Variants in RUSC2 observed in about 807,000 individuals in gnomAD.
RUSC2 encodes AP-4 complex accessory subunit RUSC2.
Under a neutral mutation model 122.2 loss-of-function variants are expected in RUSC2, and 34 were observed. The ratio of observed to expected loss-of-function variants is 0.28; its 90% confidence interval spans 0.21 to 0.37. The LOEUF (loss-of-function observed/expected upper bound fraction) is 0.37, where lower values mean the gene tolerates loss of function less well. Among genes scored for constraint, RUSC2 ranks in the 10% least tolerant of loss-of-function variants. RUSC2 has a pLI of 1.00. For synonymous variants in RUSC2, 784 were observed against 790.0 expected (o/e 0.99, Z 0.13); for missense variants, 1,747 against 1,952.4 (o/e 0.89, Z 1.98).
chr9:35,561,843 T>C lies in RUSC2; in HGVS notation c.*461T>C. ...AGGAGCCCAGGCGTCTGTTTATGTA[T>C]TTATTTATTTATTTATTATACCTAT... On this transcript the variant is annotated 3_prime_UTR_variant, in exon 12 of 12. Coordinates refer to ENST00000361226, the MANE Select transcript of RUSC2 (RefSeq NM_014806.5). The C allele has an allele frequency of 1.7e-6, 1 of 602,488 alleles. No homozygotes were observed. Among genetic ancestry groups the C allele is most frequent in the Non-Finnish European group, 2.9e-6 (1 of 341,062 alleles). The allele number at this position is 602,488 out of a possible 1,614,324, so 37.3% of individuals were successfully genotyped here.
In RUSC2 at chr9:35,557,640, G is replaced by A. The variant is rs1394761977; in HGVS notation, c.2984-274G>A. 2.0e-5 allele frequency among the ~76,000 whole-genome samples: 3 copies of A among 152,172 alleles called. No homozygotes were observed. The highest frequency in any genetic ancestry group is 7.2e-5 in the African/African-American group (3 of 41,436). On this transcript the variant is annotated intron_variant, in intron 5 of 11. Transcript: ENST00000361226. This position sits in a 1 kb window ranked among gnomAD's most constrained non-coding sequence, Gnocchi z 4.6. ...AAAACCGATAGTTGGCCTGACCCAG[G>A]ATTGGAATAAGGGCTGAGAGGTAAG...
intron 1 of RUSC2, among the ~76,000 whole-genome samples, chr9:35,513,190 TTTG>T (rs147038968): frequency 0.021 from 3,091 of 149,732 alleles, 57 homozygotes; most frequent in Admixed American, 0.04. Context: ...TATACTTTGT[TTTG>T]TTGTTGTTGT....
intron 1 of RUSC2, among the ~76,000 whole-genome samples, chr9:35,528,764 T>G (rs1399873082): frequency 2.6e-5 from 4 of 152,072 alleles, no homozygotes; most frequent in Admixed American, 2.6e-4. Flanking sequence ...CCTCAGTCTC[T>G]CAAAGCACTG....
At chr9:35,530,578 G>A (rs1055188353) in intron 1 of RUSC2, among the ~76,000 whole-genome samples, 3 of 152,016 alleles carry the variant, frequency 2.0e-5, no homozygotes, top group Non-Finnish European at 4.4e-5. Flanking sequence ...GAGTATATTC[G>A]GCATGTGACG....
At chr9:35,556,486 G>C (rs912242583) in intron 5 of RUSC2, 38 bp downstream of exon 5, 1 of 1,601,654 alleles carries the variant, frequency 6.2e-7, no homozygotes, top group Non-Finnish European at 8.5e-7. Context: ...GGACTCTGCT[G>C]TCACTACCTC....
At chr9:35,515,001 G>A (rs1215908894) in intron 1 of RUSC2, among the ~76,000 whole-genome samples, 1 of 152,118 alleles carries the variant, frequency 6.6e-6, no homozygotes, top group Non-Finnish European at 1.5e-5. Context: ...AATTTTACTT[G>A]GGTAGCATTG....
At chr9:35,496,268 C>T (rs1260561322) in intron 1 of RUSC2, among the ~76,000 whole-genome samples, 1 of 152,120 alleles carries the variant, frequency 6.6e-6, no homozygotes, top group East Asian at 1.9e-4. Context: ...AGAGAATCAA[C>T]AGGAAACAGA....
At position 35,555,666 on chromosome 9, in the gene RUSC2, G is replaced by T. The variant is rs941594093; in HGVS notation, c.2621G>T (p.Gly874Val). Residue 874 changes from glycine to valine, a missense_variant, in exon 3 of 12, where the codon GGT (glycine) becomes GTT (valine). Gly to Val is a moderately radical substitution (Grantham distance 109). Coordinates refer to ENST00000361226, the MANE Select transcript of RUSC2 (RefSeq NM_014806.5). This position sits in a 1 kb window ranked among gnomAD's most constrained non-coding sequence, Gnocchi z 4.6. ...LSRAESLARG[G>V]GEGSMATRPS... is the part of the protein sequence containing the mutation. Reference sequence around the variant, plus strand: ...CGAGCAGAGAGCCTGGCCCGGGGAGGTGGTGAGGGCAGCATGGCCACCAGG... The same window carrying T: ...CGAGCAGAGAGCCTGGCCCGGGGAGTTGGTGAGGGCAGCATGGCCACCAGG... The T allele has an allele frequency of 6.2e-7, 1 of 1,603,680 alleles. No individual in the cohort carries two copies.
At chr9:35,491,198 G>C (rs1262070860) in intron 1 of RUSC2, among the ~76,000 whole-genome samples, 2 of 152,156 alleles carry the variant, frequency 1.3e-5, no homozygotes, top group African/African-American at 4.8e-5. Context: ...TTTCCTGGGG[G>C]TTTGGGTTCC....
At chr9:35,517,032 A>G (rs1037168463) in intron 1 of RUSC2, among the ~76,000 whole-genome samples, 4 of 152,254 alleles carry the variant, frequency 2.6e-5, no homozygotes, top group Admixed American at 2.0e-4. Context: ...ACATACAATT[A>G]TAAATTGTAA....
At chr9:35,513,486 A>AC (rs573106403) in intron 1 of RUSC2, among the ~76,000 whole-genome samples, 1 of 151,460 alleles carries the variant, frequency 6.6e-6, no homozygotes, top group Admixed American at 6.6e-5. Flanking sequence ...CAAGTGATCC[A>AC]CCTGCCTCAG....
At chr9:35,550,210 CA>C (rs75685185) in intron 2 of RUSC2, among the ~76,000 whole-genome samples, 1,570 of 106,092 alleles carry the variant, frequency 0.015, 6 homozygotes, top group Middle Eastern at 0.077. Flanking sequence ...AACTCCACCT[CA>C]AAAAAAAAAA....
At chr9:35,545,425 G>C (rs1226202292) in intron 1 of RUSC2, among the ~76,000 whole-genome samples, 1 of 152,218 alleles carries the variant, frequency 6.6e-6, no homozygotes, top group Non-Finnish European at 1.5e-5. Context: ...CACTGCCACG[G>C]TGCAGCCAAG....
intron 1 of RUSC2, among the ~76,000 whole-genome samples, chr9:35,520,338 A>C (rs1821188910): frequency 6.6e-6 from 1 of 152,204 alleles, no homozygotes; most frequent in Non-Finnish European, 1.5e-5. Flanking sequence ...TGGTTCTGGC[A>C]GTCATGCTGA....
chr9:35,511,853 C>T (rs1014523595), intron 1 of RUSC2, among the ~76,000 whole-genome samples: 1 of 152,076 alleles, frequency 6.6e-6, no homozygotes, highest in African/African-American at 2.4e-5. Flanking sequence ...TGTTATCTAC[C>T]TGTAAACTAA....
At chr9:35,561,129 G>T (rs750295429) in intron 11 of RUSC2, 32 bp downstream of exon 11, 2 of 1,613,486 alleles carry the variant, frequency 1.2e-6, no homozygotes, top group Non-Finnish European at 1.7e-6. Context: ...GGCTGAGGGG[G>T]GCGGGGGGCT....
At chr9:35,506,109 C>G (rs529318388) in intron 1 of RUSC2, among the ~76,000 whole-genome samples, 2 of 152,136 alleles carry the variant, frequency 1.3e-5, no homozygotes, top group Non-Finnish European at 2.9e-5. Context: ...TAAAAACTAT[C>G]ATAACTAATA....
At chr9:35,559,347 C>T (rs550051635) in intron 9 of RUSC2, 75 bp downstream of exon 9, 570 of 1,274,034 alleles carry the variant, frequency 4.5e-4, no homozygotes, top group Non-Finnish European at 5.6e-4. Flanking sequence ...GAAGAGCTGT[C>T]TTTTCATTGC....
At chr9:35,511,913 G>A (rs1380065364) in intron 1 of RUSC2, among the ~76,000 whole-genome samples, 1 of 152,160 alleles carries the variant, frequency 6.6e-6, no homozygotes, top group Non-Finnish European at 1.5e-5. Flanking sequence ...GGGCGCGGTG[G>A]CTCACGCCTG....
Sources: allele counts gnomAD v4.1 joint callset (sites outside exome capture counted in the v4.1 genomes callset), GRCh38; gene constraint gnomAD v4.1.1; non-coding constraint Gnocchi (gnomAD v3.1); transcripts MANE v1.5; gene names NCBI Gene and HGNC (gene_info 2026-07-23, HGNC 2026-07-21).